The following RAB27B variants were observed in gnomAD, a reference collection of about 807,000 sequenced individuals.
RAB27B encodes ras-related protein Rab-27B.
A neutral mutation model predicts 24.6 loss-of-function variants in RAB27B; 15 were observed. The ratio of observed to expected loss-of-function variants is 0.61; its 90% CI spans 0.41 to 0.94. The LOEUF (loss-of-function observed/expected upper bound fraction) is 0.94. RAB27B is among the 40% of genes least tolerant of loss of function. The pLI is 0.00. For synonymous variants in RAB27B, 105 were observed against 92.5 expected (o/e 1.14, Z -0.78); for missense variants, 261 against 266.8 (o/e 0.98, Z 0.15).
chr18:54,848,320 T>A (rs1379222770), intron 1 of RAB27B, among the ~76,000 whole-genome samples: 1 of 152,238 alleles, frequency 6.6e-6, no homozygotes, highest in Non-Finnish European at 1.5e-5. Flanking sequence ...CATAACTGCA[T>A]TATCAGCAAT....
rs1025448030 is a variant in RAB27B, at chr18:54,892,583, A to G, written c.*3170A>G. Reference sequence around the variant, plus strand: ...ATGTATCTAAAATAATCCAGAGAACATAATGTTTGTCTTGGTCTGATAATG... The same window carrying G: ...ATGTATCTAAAATAATCCAGAGAACGTAATGTTTGTCTTGGTCTGATAATG... On this transcript the variant is annotated 3_prime_UTR_variant, in exon 6 of 6. Coordinates refer to ENST00000262094, the MANE Select transcript of RAB27B (RefSeq NM_004163.4). 11 of 152,092 alleles carry G rather than the reference A, an allele frequency of 7.2e-5. No homozygotes were observed. Among genetic ancestry groups the G allele is most frequent in the Non-Finnish European group, 1.5e-4 (10 of 67,974 alleles). 9.4% of individuals were successfully genotyped at this position (152,092 alleles called of 1,614,324 possible).
intron 1 of RAB27B, among the ~76,000 whole-genome samples, chr18:54,865,799 A>G (rs1165495567): frequency 6.6e-6 from 1 of 152,228 alleles, no homozygotes; most frequent in Non-Finnish European, 1.5e-5. Context: ...AATATGCAAT[A>G]AACACTTCAA....
At chr18:54,796,760 C>T (rs1026670377) in intron 2 of RAB27B, among the ~76,000 whole-genome samples, 1 of 152,150 alleles carries the variant, frequency 6.6e-6, no homozygotes, top group Non-Finnish European at 1.5e-5. Context: ...GCAACATTTG[C>T]GTGCAAGAAC....
intron 1 of RAB27B, among the ~76,000 whole-genome samples, chr18:54,877,178 C>G (rs1337252004): frequency 6.6e-6 from 1 of 151,980 alleles, no homozygotes; most frequent in African/African-American, 2.4e-5. Context: ...CTCTTGCCAC[C>G]CTGTGAAGAG....
chr18:54,857,295 C>T (rs1477325689), intron 1 of RAB27B, among the ~76,000 whole-genome samples: 2 of 152,192 alleles, frequency 1.3e-5, no homozygotes, highest in Non-Finnish European at 2.9e-5. Flanking sequence ...CTCCTCTGTT[C>T]TCTTCTGCCC....
chr18:54,866,937 G>A (rs1313052530), intron 1 of RAB27B, among the ~76,000 whole-genome samples: 3 of 152,170 alleles, frequency 2.0e-5, no homozygotes, highest in Admixed American at 6.5e-5. Flanking sequence ...CGATGAGTCA[G>A]TGAAACAGTC....
At chr18:54,875,463 T>C (rs1371677725) in intron 1 of RAB27B, among the ~76,000 whole-genome samples, 1 of 152,180 alleles carries the variant, frequency 6.6e-6, no homozygotes, top group East Asian at 1.9e-4. Flanking sequence ...TTGAGACATG[T>C]GTATCCTTTT....
chr18:54,723,011 A>G (rs1286327086), intron 2 of RAB27B, among the ~76,000 whole-genome samples: 1 of 152,216 alleles, frequency 6.6e-6, no homozygotes, highest in Non-Finnish European at 1.5e-5. Flanking sequence ...GAAAAGAGGC[A>G]TGGTTGGGGG....
rs554315917 is a variant in RAB27B at position 54,841,597 on chromosome 18, G to A, written c.-20+12897G>A. On this transcript the variant is annotated intron_variant, in intron 1 of 5. Transcript: ENST00000262094. ...TAAAGTATTAGTAACTGATCAACTA[G>A]CCTGAGCATTTTTCCATCGAGAATG... Among the ~76,000 whole-genome samples, 3 of 152,224 alleles carry A rather than the reference G, an allele frequency of 2.0e-5. No homozygotes were observed. The South Asian group carries it at 6.2e-4, about 32-fold the overall frequency.
At chr18:54,727,225 C>A (rs186933625) in intron 2 of RAB27B, among the ~76,000 whole-genome samples, 1 of 152,106 alleles carries the variant, frequency 6.6e-6, no homozygotes, top group Non-Finnish European at 1.5e-5. Flanking sequence ...CCGCCTGCCT[C>A]GGCCTTCCAA....
intron 2 of RAB27B, among the ~76,000 whole-genome samples, chr18:54,748,272 G>A (rs2145026403): frequency 6.6e-6 from 1 of 152,208 alleles, no homozygotes; most frequent in Admixed American, 6.6e-5. Flanking sequence ...AAGGGACTTT[G>A]GAGTGCTCTG....
chr18:54,891,191 C>CA lies in RAB27B; in HGVS notation c.*1779dup, dbSNP rs1439997956. ...ATTGAATCAGTTTCAGAAACACAGA[C>CA]AGATCCAAGGAAATGTCTCTTTATA... On this transcript the variant is annotated 3_prime_UTR_variant, in exon 6 of 6. Coordinates refer to ENST00000262094, the MANE Select transcript of RAB27B (RefSeq NM_004163.4). 5.9e-5 allele frequency: 9 copies of CA among 152,080 alleles called. No homozygotes were observed. The highest frequency in any genetic ancestry group is 1.9e-4 in the African/African-American group (8 of 41,428). The allele number at this position is 152,080 out of a possible 1,614,324, so 9.4% of individuals were successfully genotyped here.
intron 2 of RAB27B, among the ~76,000 whole-genome samples, chr18:54,747,095 G>C (rs1910273889): frequency 6.6e-6 from 1 of 152,140 alleles, no homozygotes; most frequent in Admixed American, 6.6e-5. Context: ...GCAAGACCAA[G>C]ACAGGATTTT....
chr18:54,771,656 T>G (rs1908555901), intron 2 of RAB27B, among the ~76,000 whole-genome samples: 1 of 148,932 alleles, frequency 6.7e-6, no homozygotes, highest in Non-Finnish European at 1.5e-5. Flanking sequence ...TAAAAAGACT[T>G]TGTAAAGTAA....
At chr18:54,833,234 C>CTTTT (rs559070445) in intron 1 of RAB27B, among the ~76,000 whole-genome samples, 56,566 of 129,006 alleles carry the variant, frequency 0.44, 14,014 homozygotes, top group Middle Eastern at 0.64. Flanking sequence ...TTCTTTCTTT[C>CTTTT]TTTTTTTTTT....
chr18:54,829,775 T>C (rs749477700), intron 1 of RAB27B, among the ~76,000 whole-genome samples: 2 of 152,164 alleles, frequency 1.3e-5, no homozygotes, highest in Admixed American at 1.3e-4. Context: ...GTAAAGTCCA[T>C]ATTGCAGTGA....
intron 2 of RAB27B, among the ~76,000 whole-genome samples, chr18:54,809,345 G>A (rs979210040): frequency 6.6e-6 from 1 of 152,158 alleles, no homozygotes; most frequent in African/African-American, 2.4e-5. Flanking sequence ...AGTATGCACT[G>A]AAGAGCTGCT....
intron 2 of RAB27B, among the ~76,000 whole-genome samples, chr18:54,819,463 C>T (rs1297644348): frequency 9.4e-5 from 13 of 138,656 alleles, no homozygotes; most frequent in South Asian, 4.4e-4. Flanking sequence ...GCCTGAGAGA[C>T]GGAGGTTGCA....
intron 2 of RAB27B, among the ~76,000 whole-genome samples, chr18:54,770,289 G>GCCACTCCCTGTAACTTGCATTA (rs1908502211): frequency 6.6e-6 from 1 of 152,136 alleles, no homozygotes; most frequent in African/African-American, 2.4e-5. Context: ...TGTGTTTACA[G>GCCACTCCCTGTAACTTGCATTA]CCACTCCCTG....
Sources: gnomAD v4.1 joint callset for allele counts (sites outside exome capture counted in the v4.1 genomes callset) on GRCh38, gnomAD v4.1.1 for gene constraint, MANE v1.5 for transcripts, NCBI Gene and HGNC (gene_info 2026-07-23, HGNC 2026-07-21) for gene names.